Variants in AEBP2 observed in about 807,000 individuals in gnomAD.
The protein encoded by AEBP2 is AE binding protein 2.
A neutral mutation model predicts 50.8 loss-of-function variants in AEBP2; 10 were observed. That is an observed-to-expected ratio of 0.20 (90% CI 0.12 to 0.33). The LOEUF (loss-of-function observed/expected upper bound fraction) is 0.33. Among genes scored for constraint, AEBP2 ranks in the 10% least tolerant of loss-of-function variants. The pLI, the probability that AEBP2 is intolerant of heterozygous loss-of-function variation, is 1.00. For missense variants in AEBP2, 570 were observed against 688.0 expected, an observed-to-expected ratio of 0.83 and a Z score of 1.92; for synonymous variants, 296 against 261.3, an observed-to-expected ratio of 1.13 and a Z score of -1.28.
intron 5 of AEBP2, among the ~76,000 whole-genome samples, chr12:19,507,880 T>C (rs1949174188): frequency 1.3e-5 from 2 of 152,322 alleles, no homozygotes; most frequent in South Asian, 4.1e-4. Flanking sequence ...AGTTACTTTG[T>C]TATCAAATTA....
chr12:19,471,191 T>A (rs1199832148), intron 2 of AEBP2, among the ~76,000 whole-genome samples: 1 of 147,268 alleles, frequency 6.8e-6, no homozygotes, highest in African/African-American at 2.4e-5. Context: ...TTATAGCAGT[T>A]CATTGTAGCC....
intron 1 of AEBP2, among the ~76,000 whole-genome samples, chr12:19,445,118 A>G (rs1399312283): frequency 1.3e-5 from 2 of 152,146 alleles, no homozygotes; most frequent in African/African-American, 4.8e-5. Flanking sequence ...TGAATTGTAG[A>G]GTATTTGGTA....
At chr12:19,486,867 A>T (rs755546051) in intron 3 of AEBP2, among the ~76,000 whole-genome samples, 2 of 151,860 alleles carry the variant, frequency 1.3e-5, no homozygotes, top group African/African-American at 4.8e-5. Context: ...TGCGATCTCA[A>T]ATGTAACCCC....
rs189915857 is a variant in AEBP2, at chr12:19,488,391, G to A, written c.988-5409G>A. On this transcript the variant is annotated intron_variant, in intron 3 of 7. Transcript: ENST00000266508. Reference sequence around the variant, plus strand: ...GATCCGCTCACCTCGGCCTCCCAAAGTGTTGGAATTACAGGCGTGAGTCAT... The same window carrying A: ...GATCCGCTCACCTCGGCCTCCCAAAATGTTGGAATTACAGGCGTGAGTCAT... Among the ~76,000 whole-genome samples, 5 of 150,992 alleles carry A rather than the reference G, an allele frequency of 3.3e-5. No homozygotes were observed. In the East Asian group the frequency reaches 9.7e-4, roughly 29 times the overall value.
intron 2 of AEBP2, among the ~76,000 whole-genome samples, chr12:19,465,041 A>G (rs945704781): frequency 6.6e-6 from 1 of 152,078 alleles, no homozygotes; most frequent in Non-Finnish European, 1.5e-5. Flanking sequence ...GATTTCTTGA[A>G]CCCTTATTCA....
At chr12:19,457,099 T>C in intron 1 of AEBP2, 1 of 1,602,412 alleles carries the variant, frequency 6.2e-7, no homozygotes, top group Non-Finnish European at 8.5e-7. Flanking sequence ...GCCAATTTTC[T>C]TAATTTAAGT....
intron 3 of AEBP2, among the ~76,000 whole-genome samples, chr12:19,488,225 G>T (rs533068256): frequency 7.3e-4 from 110 of 151,544 alleles, no homozygotes; most frequent in African/African-American, 2.6e-3. Context: ...CTGGGCTCAG[G>T]TGGTCCTCCC....
At position 19,521,285 on chromosome 12, in the gene AEBP2, T is replaced by C. The variant is rs908988384; in HGVS notation, c.*3168T>C. 2 of 152,222 alleles carry C rather than the reference T, an allele frequency of 1.3e-5. No individual in the cohort carries two copies. The highest frequency in any genetic ancestry group is 4.8e-5 in the African/African-American group (2 of 41,466). 9.4% of individuals were successfully genotyped at this position (152,222 alleles called of 1,614,324 possible). ...ACATTAAATTTTAGTGAAAGCTGTTTCATGTATTTTACAGTAAATACTGCC... is the reference window on the plus strand; with the variant it reads ...ACATTAAATTTTAGTGAAAGCTGTTCCATGTATTTTACAGTAAATACTGCC... On this transcript the variant is annotated 3_prime_UTR_variant, in exon 8 of 8. Coordinates refer to ENST00000266508, the MANE Select transcript of AEBP2 (RefSeq NM_153207.5).
At chr12:19,468,037 G>C (rs1436786042) in intron 2 of AEBP2, among the ~76,000 whole-genome samples, 4 of 151,510 alleles carry the variant, frequency 2.6e-5, no homozygotes, top group African/African-American at 9.7e-5. Flanking sequence ...GATAGAGCAA[G>C]ACTCTGTCTC....
rs57473892 is a variant in AEBP2, at chr12:19,449,516, A to G, written c.671+9146A>G. 4.2e-3 allele frequency among the ~76,000 whole-genome samples: 636 copies of G among 152,328 alleles called. 6 individuals are homozygous for G. Among genetic ancestry groups the G allele is most frequent in the African/African-American group, 0.015 (607 of 41,588 alleles). On this transcript the variant is annotated intron_variant, in intron 1 of 7. Coordinates refer to ENST00000266508, the MANE Select transcript of AEBP2 (RefSeq NM_153207.5). ...TAGTGGTGATAAAAGAATGTAGCCT[A>G]CTTGTTTTCCATAGACTATATTTCA... is the stretch of plus-strand genomic sequence containing the variant.
chr12:19,424,945 G>C (rs1275497857), intron 1 of AEBP2, among the ~76,000 whole-genome samples: 1 of 152,108 alleles, frequency 6.6e-6, no homozygotes, highest in Non-Finnish European at 1.5e-5. Flanking sequence ...GGAGGTGGAG[G>C]TTGCATTGAG....
chr12:19,512,287 T>A (rs1949244520), intron 5 of AEBP2, 111 bp from the exon 6 acceptor site: 2 of 639,836 alleles, frequency 3.1e-6, no homozygotes, highest in South Asian at 4.6e-5. Context: ...CCCAAAGTGC[T>A]GGGATTACAG....
At chr12:19,484,250 A>ATTTTTTTT (rs59403434) in intron 3 of AEBP2, among the ~76,000 whole-genome samples, 5 of 107,514 alleles carry the variant, frequency 4.7e-5, no homozygotes, top group Non-Finnish European at 3.7e-5. Context: ...CGCCCAGCCA[A>ATTTTTTTT]TTTTTTTTTT....
At chr12:19,513,741 G>T (rs917393416) in intron 6 of AEBP2, among the ~76,000 whole-genome samples, 2 of 152,124 alleles carry the variant, frequency 1.3e-5, no homozygotes, top group Non-Finnish European at 2.9e-5. Flanking sequence ...TCAAGCTTGG[G>T]TGACAGAGTG....
intron 6 of AEBP2, among the ~76,000 whole-genome samples, chr12:19,513,920 A>T: frequency 3.1e-5 from 4 of 130,244 alleles, no homozygotes; most frequent in Admixed American, 7.7e-5. Flanking sequence ...AATGGAGTTT[A>T]GTCTTACAGG....
At chr12:19,436,436 T>C (rs1947861703), upstream of AEBP2, among the ~76,000 whole-genome samples, 1 of 152,172 alleles carries the variant, frequency 6.6e-6, no homozygotes, top group African/African-American at 2.4e-5. Flanking sequence ...CTTTTATTCC[T>C]TTACTTTCTT....
chr12:19,450,840 C>T (rs1948155655), intron 1 of AEBP2, among the ~76,000 whole-genome samples: 1 of 105,658 alleles, frequency 9.5e-6, no homozygotes, highest in South Asian at 2.7e-4. Flanking sequence ...GAGACATTGT[C>T]TCAAAAAAAA....
intron 5 of AEBP2, among the ~76,000 whole-genome samples, chr12:19,505,619 TA>T (rs1475700493): frequency 6.6e-6 from 1 of 152,192 alleles, no homozygotes; most frequent in Non-Finnish European, 1.5e-5. Context: ...GTAGGCAGCG[TA>T]GCTGGAGGGA....
intron 5 of AEBP2, among the ~76,000 whole-genome samples, chr12:19,505,500 A>G (rs1206913203): frequency 6.6e-6 from 1 of 152,212 alleles, no homozygotes; most frequent in Admixed American, 6.5e-5. Flanking sequence ...AATTGTAAAA[A>G]CTTGTAATGA....
Sources: allele counts gnomAD v4.1 joint callset (sites outside exome capture counted in the v4.1 genomes callset), GRCh38; gene constraint gnomAD v4.1.1; transcripts MANE v1.5; gene names NCBI Gene and HGNC (gene_info 2026-07-23, HGNC 2026-07-21).